The following ARHGEF28 variants were observed in gnomAD, a reference collection of about 807,000 sequenced individuals.
ARHGEF28 encodes the protein Rho guanine nucleotide exchange factor 28, also known as 190 kDa guanine nucleotide exchange factor.
Under a neutral mutation model 206.6 loss-of-function variants are expected in ARHGEF28, and 152 were observed. The ratio of observed to expected loss-of-function variants is 0.74; its 90% CI spans 0.64 to 0.84. The LOEUF (loss-of-function observed/expected upper bound fraction) is 0.84. Ranked by LOEUF, ARHGEF28 falls within the 40% of genes least tolerant of loss-of-function variation. The pLI is 0.00. For missense variants in ARHGEF28, 2,028 were observed against 2,073.2 expected, an observed-to-expected ratio of 0.98 and a Z score of 0.42; for synonymous variants, 763 against 776.4, an observed-to-expected ratio of 0.98 and a Z score of 0.29.
At chr5:73,885,649 G>GT (rs925473306) in intron 24 of ARHGEF28, among the ~76,000 whole-genome samples, 2 of 151,772 alleles carry the variant, frequency 1.3e-5, no homozygotes, top group African/African-American at 4.8e-5. Context: ...GCTAATTTTT[G>GT]TATCTTTTTT....
At chr5:73,872,753 C>T (rs1017231914) in intron 21 of ARHGEF28, among the ~76,000 whole-genome samples, 3 of 152,110 alleles carry the variant, frequency 2.0e-5, no homozygotes, top group South Asian at 4.1e-4. Context: ...GTTTCAGATA[C>T]GTTAGATTCT....
Position 73,864,866 on chromosome 5 carries a change from C to T in ARHGEF28, c.2097C>T (p.Cys699=). ...HKGCKDAAPA[C]TKKFQEKYNK... ...GTTGTAAAGATGCTGCGCCTGCATGCACCAAGGTAATTGCTCAGTGATCTG... is the reference window on the plus strand; with the variant it reads ...GTTGTAAAGATGCTGCGCCTGCATGTACCAAGGTAATTGCTCAGTGATCTG... Residue 699 remains cysteine (C), a synonymous_variant, in exon 17 of 36, where the codon TGC becomes TGT. Coordinates refer to ENST00000513042, the MANE Select transcript of ARHGEF28 (RefSeq NM_001177693.2). The T allele has an allele frequency of 6.2e-7, 1 of 1,613,250 alleles. No individual in the cohort carries two copies. Among genetic ancestry groups the T allele is most frequent in the Non-Finnish European group, 8.5e-7 (1 of 1,179,460 alleles).
At chr5:73,845,986 C>CAAAAAAAAAAAAAAAAAAAAAAAAAAAAA (rs57600570) in intron 11 of ARHGEF28, among the ~76,000 whole-genome samples, 5 of 63,764 alleles carry the variant, frequency 7.8e-5, no homozygotes, top group East Asian at 5.0e-4. Flanking sequence ...AAAACTGTCT[C>CAAAAAAAAAAAAAAAAAAAAAAAAAAAAA]AAAAAAAAAA....
intron 33 of ARHGEF28, among the ~76,000 whole-genome samples, chr5:73,905,897 A>G (rs1762522483): frequency 6.6e-6 from 1 of 152,244 alleles, no homozygotes; most frequent in Non-Finnish European, 1.5e-5. Flanking sequence ...GGATTAGGGT[A>G]TCTGATTATT....
intron 35 of ARHGEF28, among the ~76,000 whole-genome samples, chr5:73,933,663 A>G (rs919749170): frequency 1.3e-5 from 2 of 152,260 alleles, no homozygotes; most frequent in Non-Finnish European, 1.5e-5. Context: ...AGAATTGTTT[A>G]GTGAACCCCA....
Position 73,909,850 on chromosome 5 carries a change from G to A in ARHGEF28, c.4600G>A (p.Gly1534Ser), listed in dbSNP as rs560396057. 2.7e-5 allele frequency: 42 copies of A among 1,538,656 alleles called. No individual in the cohort carries two copies. Among genetic ancestry groups the A allele is most frequent in the African/African-American group, 8.3e-5 (6 of 72,454 alleles). Residue 1534 changes from glycine to serine, a missense_variant, in exon 34 of 36, where the codon GGC (glycine) becomes AGC (serine). Physicochemically the swap from Gly to Ser is moderately conservative, Grantham distance 56. This residue lies in a region of ARHGEF28 where 803 missense variants were observed against 768.0 expected (regional missense o/e 1.05). Transcript: ENST00000513042. ...QQSLLGHWKH[G>S]RQRSLPAVLL... ...GAGCCTGCTGGGCCACTGGAAGCAC[G>A]GCCGGCAGAGGAGCCTGCCCGCGGT...
chr5:73,753,335 G>A (rs1371982931), intron 4 of ARHGEF28, 133 bp downstream of exon 4: 12 of 989,074 alleles, frequency 1.2e-5, no homozygotes, highest in Non-Finnish European at 1.7e-5. Flanking sequence ...TGATGTGGAG[G>A]GGCTCCCTGA....
intron 35 of ARHGEF28, among the ~76,000 whole-genome samples, chr5:73,917,482 T>C (rs1442925961): frequency 2.0e-5 from 3 of 152,240 alleles, no homozygotes; most frequent in Non-Finnish European, 4.4e-5. Flanking sequence ...CATTCGCTTG[T>C]AGAGCCTGGT....
At chr5:73,822,368 T>A (rs1452012228) in intron 9 of ARHGEF28, among the ~76,000 whole-genome samples, 1 of 152,210 alleles carries the variant, frequency 6.6e-6, no homozygotes, top group African/African-American at 2.4e-5. Flanking sequence ...ATTGAGACTC[T>A]AGTGTGGTGA....
Position 73,904,204 on chromosome 5 carries a change from GTT to G in ARHGEF28, c.4075-13_4075-12del, listed in dbSNP as rs759333074. ...AAGTAGAATGGTTATTCATTTTCTTGTTTTTTATGTATTTTAGGTGGAATGTA... is the reference window on the plus strand; with the variant it reads ...AAGTAGAATGGTTATTCATTTTCTTGTTTTATGTATTTTAGGTGGAATGTA... On this transcript the variant is annotated splice_polypyrimidine_tract_variant and intron_variant, in intron 31 of 35. Coordinates refer to ENST00000513042, the MANE Select transcript of ARHGEF28 (RefSeq NM_001177693.2). 2 of 1,612,942 alleles carry G rather than the reference GTT, an allele frequency of 1.2e-6. No homozygotes were observed. The highest frequency in any genetic ancestry group is 1.7e-6 in the Non-Finnish European group (2 of 1,179,068).
intron 1 of ARHGEF28, among the ~76,000 whole-genome samples, chr5:73,656,356 C>T (rs901229672): frequency 6.6e-6 from 1 of 152,212 alleles, no homozygotes; most frequent in Non-Finnish European, 1.5e-5. Flanking sequence ...AAACAGAATT[C>T]CTGGTTTCCT....
chr5:73,831,324 G>A (rs75463560), intron 9 of ARHGEF28, among the ~76,000 whole-genome samples: 9,209 of 152,220 alleles, frequency 0.06, 441 homozygotes, highest in African/African-American at 0.12. Context: ...GACACAAGGC[G>A]TTCTAGCTCG....
chr5:73,840,966 G>GA (rs1223851500), intron 11 of ARHGEF28, among the ~76,000 whole-genome samples: 1 of 152,150 alleles, frequency 6.6e-6, no homozygotes, highest in African/African-American at 2.4e-5. Context: ...AAACCACGAT[G>GA]AGATACCAGT....
rs115925372 is a variant in ARHGEF28, at chr5:73,695,438, C to A, written c.33+10554C>A. 9.0e-3 allele frequency among the ~76,000 whole-genome samples: 1,377 copies of A among 152,256 alleles called. 12 individuals are homozygous for A. Among genetic ancestry groups the A allele is most frequent in the African/African-American group, 0.03 (1,258 of 41,532 alleles). On this transcript the variant is annotated intron_variant, in intron 2 of 35. Coordinates refer to ENST00000513042, the MANE Select transcript of ARHGEF28 (RefSeq NM_001177693.2). The stretch of plus-strand genomic sequence containing the variant: ...AAAGACTCCCACATGTGGGCCCTCT[C>A]GTCTTGACCTCTGCCCAGGCCTCGT...
chr5:73,776,834 G>T, intron 6 of ARHGEF28, 138 bp downstream of exon 6: 1 of 615,768 alleles, frequency 1.6e-6, no homozygotes. Flanking sequence ...ATTGGAAACT[G>T]CATTAGATCA....
chr5:73,896,363 G>A (rs1455595501), intron 29 of ARHGEF28, among the ~76,000 whole-genome samples: 1 of 152,150 alleles, frequency 6.6e-6, no homozygotes, highest in Non-Finnish European at 1.5e-5. Context: ...CGTTAGATGA[G>A]GTGGTGTGGG....
At chr5:73,650,667 C>T (rs1554050665) in intron 1 of ARHGEF28, among the ~76,000 whole-genome samples, 1 of 151,356 alleles carries the variant, frequency 6.6e-6, no homozygotes, top group Non-Finnish European at 1.5e-5. Flanking sequence ...GACAATGTCT[C>T]ACCCTATCAC....
intron 2 of ARHGEF28, among the ~76,000 whole-genome samples, chr5:73,744,868 CT>C (rs967588868): frequency 1.0e-3 from 154 of 151,908 alleles, no homozygotes; most frequent in Non-Finnish European, 1.8e-3. Flanking sequence ...AGTTCATAAA[CT>C]TTTTTTGAAT....
intron 1 of ARHGEF28, among the ~76,000 whole-genome samples, chr5:73,649,054 CATTT>C (rs1744627005): frequency 6.6e-6 from 1 of 152,188 alleles, no homozygotes; most frequent in Admixed American, 6.5e-5. Flanking sequence ...GTGTGTTACT[CATTT>C]ATCCTTACAA....
Sources: gnomAD v4.1 joint callset for allele counts (sites outside exome capture counted in the v4.1 genomes callset) on GRCh38, gnomAD v4.1.1 for gene constraint, gnomAD v4.1.1 regional missense constraint, MANE v1.5 for transcripts, NCBI Gene and HGNC (gene_info 2026-07-23, HGNC 2026-07-21) for gene names.